DOCK1: variants seen among roughly 807,000 people sequenced by gnomAD.
DOCK1 encodes dedicator of cytokinesis protein 1.
Under a neutral mutation model 262.7 loss-of-function variants are expected in DOCK1, and 138 were observed. That is an observed-to-expected ratio of 0.53 (90% CI 0.46 to 0.61). DOCK1 has a LOEUF of 0.61. Among genes scored for constraint, DOCK1 ranks in the 20% least tolerant of loss-of-function variants. The probability of loss-of-function intolerance (pLI) is 0.00; values close to 1 mark genes in which losing one functional copy is unlikely to be tolerated. For missense variants in DOCK1, 1,908 were observed against 2,370.7 expected (o/e 0.80, Z 4.05); for synonymous variants, 866 against 867.4 (o/e 1.00, Z 0.03).
At chr10:127,106,966 A>G (rs1314044114) in intron 24 of DOCK1, among the ~76,000 whole-genome samples, 1 of 151,886 alleles carries the variant, frequency 6.6e-6, no homozygotes, top group Non-Finnish European at 1.5e-5. Flanking sequence ...TTTTTAATTT[A>G]TTTTTTAAGA....
intron 25 of DOCK1, among the ~76,000 whole-genome samples, chr10:127,119,210 A>T (rs1363679031): frequency 6.6e-6 from 1 of 152,036 alleles, no homozygotes; most frequent in Admixed American, 6.6e-5. Flanking sequence ...TGGCCGACTA[A>T]TTTTGTTTTT....
chr10:127,185,540 G>A (rs1047204079), intron 27 of DOCK1, among the ~76,000 whole-genome samples: 2 of 152,170 alleles, frequency 1.3e-5, no homozygotes, highest in African/African-American at 4.8e-5. Flanking sequence ...CCTTAGAGCT[G>A]GGACCTTAGC....
chr10:126,912,007 G>A (rs963953511), intron 1 of DOCK1, among the ~76,000 whole-genome samples: 3 of 152,112 alleles, frequency 2.0e-5, no homozygotes, highest in Admixed American at 2.0e-4. Flanking sequence ...CTGTAATGCC[G>A]GAGTCAAGGT....
At chr10:127,422,132 C>T (rs545569192) in intron 46 of DOCK1, among the ~76,000 whole-genome samples, 1 of 150,632 alleles carries the variant, frequency 6.6e-6, no homozygotes, top group African/African-American at 2.4e-5. Flanking sequence ...CTCTGCACCC[C>T]CAACAAGACT....
chr10:127,153,203 G>A (rs1371020878), intron 27 of DOCK1, among the ~76,000 whole-genome samples: 2 of 152,184 alleles, frequency 1.3e-5, no homozygotes, highest in Non-Finnish European at 2.9e-5. Context: ...AAAGAAAAAA[G>A]GATAGCCATC....
chr10:126,989,595 A>G (rs749752009), intron 5 of DOCK1, among the ~76,000 whole-genome samples: 2 of 152,132 alleles, frequency 1.3e-5, no homozygotes, highest in Non-Finnish European at 2.9e-5. Context: ...CCAAAGTGCT[A>G]GGATTATAGG....
At chr10:126,929,629 G>A (rs900298331) in intron 1 of DOCK1, among the ~76,000 whole-genome samples, 12 of 152,104 alleles carry the variant, frequency 7.9e-5, no homozygotes, top group Non-Finnish European at 1.3e-4. Flanking sequence ...AGATGCATGG[G>A]AGAGAGGTTG....
chr10:127,348,433 G>A (rs1048864627), intron 31 of DOCK1, among the ~76,000 whole-genome samples: 1 of 152,166 alleles, frequency 6.6e-6, no homozygotes, highest in African/African-American at 2.4e-5. Flanking sequence ...ACAGTGTGTT[G>A]AATGACTGCA....
chr10:127,239,193 G>A (rs1383292250), intron 27 of DOCK1, among the ~76,000 whole-genome samples: 1 of 152,160 alleles, frequency 6.6e-6, no homozygotes, highest in Non-Finnish European at 1.5e-5. Context: ...AGCTTATGTA[G>A]TTGTAAGTAG....
chr10:127,216,299 G>A (rs2058206807), intron 27 of DOCK1, among the ~76,000 whole-genome samples: 1 of 106,480 alleles, frequency 9.4e-6, no homozygotes. Flanking sequence ...ATGCCAAAGT[G>A]ATAATTTAGT....
intron 23 of DOCK1, among the ~76,000 whole-genome samples, chr10:127,083,778 G>A (rs2047045456): frequency 6.6e-6 from 1 of 152,164 alleles, no homozygotes; most frequent in Non-Finnish European, 1.5e-5. Flanking sequence ...GCCATTTAAA[G>A]CTTCAGAACT....
intron 27 of DOCK1, among the ~76,000 whole-genome samples, chr10:127,149,922 A>C (rs1390574088): frequency 2.6e-5 from 4 of 152,116 alleles, no homozygotes; most frequent in Non-Finnish European, 5.9e-5. Context: ...TCCCGGATTC[A>C]GGTCCTTGCA....
intron 44 of DOCK1, among the ~76,000 whole-genome samples, chr10:127,417,268 C>T (rs2068214254): frequency 6.6e-6 from 1 of 152,206 alleles, no homozygotes; most frequent in East Asian, 1.9e-4. Context: ...GTTTGGTCTG[C>T]TCAAGCAAGA....
At chr10:127,431,299 A>C (rs990396162) in intron 47 of DOCK1, among the ~76,000 whole-genome samples, 1 of 152,210 alleles carries the variant, frequency 6.6e-6, no homozygotes, top group African/African-American at 2.4e-5. Context: ...CTAGAGGCTC[A>C]ATCAAGAAGG....
At chr10:127,042,476 C>A in intron 19 of DOCK1, 149 bp from the exon 20 acceptor site, 1 of 633,580 alleles carries the variant, frequency 1.6e-6, no homozygotes, top group Non-Finnish European at 2.8e-6. Context: ...TCTTGTGTAT[C>A]TAGTGGCTGA....
At chr10:127,261,229 GTGCGTGTGTGTACCTGCA>G (rs1462026487) in intron 29 of DOCK1, among the ~76,000 whole-genome samples, 3 of 140,664 alleles carry the variant, frequency 2.1e-5, no homozygotes, top group East Asian at 2.2e-4. Context: ...GCATGTGGGT[GTGCGTGTGTGTACCTGCA>G]TGTGTGTGCA....
At chr10:127,429,003 A>G (rs76796944) in intron 47 of DOCK1, among the ~76,000 whole-genome samples, 6,629 of 34,396 alleles carry the variant, frequency 0.19, 99 homozygotes, top group East Asian at 0.24. Context: ...GTGGATTGGG[A>G]TGCCGTGTGG....
chr10:126,975,463 C>T (rs1299466869), intron 2 of DOCK1, among the ~76,000 whole-genome samples: 1 of 152,174 alleles, frequency 6.6e-6, no homozygotes. Context: ...CCCACGGTGA[C>T]CAGGGGCTTC....
intron 27 of DOCK1, among the ~76,000 whole-genome samples, chr10:127,246,636 G>A (rs1422842190): frequency 1.3e-5 from 2 of 152,178 alleles, no homozygotes; most frequent in African/African-American, 4.8e-5. Context: ...TGGGCAAATG[G>A]AAGATATCAT....
Sources: allele counts gnomAD v4.1 joint callset (sites outside exome capture counted in the v4.1 genomes callset), GRCh38; gene constraint gnomAD v4.1.1; transcripts MANE v1.5; gene names NCBI Gene and HGNC (gene_info 2026-07-23, HGNC 2026-07-21).